The following GFOD1 variants were observed in gnomAD, a reference collection of about 807,000 sequenced individuals.
GFOD1 encodes the protein glucose-fructose oxidoreductase domain-containing protein 1.
GFOD1 carries 9 observed loss-of-function variants against 25.4 expected under a neutral mutation model. The observed-to-expected ratio is 0.35, with a 90% CI of 0.21 to 0.62. The LOEUF (loss-of-function observed/expected upper bound fraction) is 0.62. Ranked by LOEUF, GFOD1 falls within the 20% of genes least tolerant of loss-of-function variation. The pLI is 0.72. For synonymous variants in GFOD1, 253 were observed against 245.6 expected, an observed-to-expected ratio of 1.03 and a Z score of -0.28; for missense variants, 403 against 556.9, an observed-to-expected ratio of 0.72 and a Z score of 2.78.
At chr6:13,384,597 T>G (rs1785429103) in intron 1 of GFOD1, among the ~76,000 whole-genome samples, 5 of 152,232 alleles carry the variant, frequency 3.3e-5, no homozygotes, top group Admixed American at 3.3e-4. Context: ...TACTCGTTGA[T>G]GATTTACAAC....
chr6:13,447,878 A>G (rs999493183), intron 1 of GFOD1, among the ~76,000 whole-genome samples: 1 of 152,030 alleles, frequency 6.6e-6, no homozygotes, highest in Non-Finnish European at 1.5e-5. Context: ...GGTGAGGATG[A>G]AAGAGGCACA....
In GFOD1 at chr6:13,360,809, G is replaced by A. The variant is rs1409837340; in HGVS notation, c.*3934C>T. On this transcript the variant is annotated 3_prime_UTR_variant, in exon 2 of 2. Transcript: ENST00000379287. The stretch of plus-strand genomic sequence containing the variant: ...GTCACAGTCCTTCCTGGGTGTGAGA[G>A]CAGACCCCGTAGACATTGATAAGGA... 2 of 456,600 alleles carry A rather than the reference G, an allele frequency of 4.4e-6. No individual in the cohort carries two copies. Among genetic ancestry groups the A allele is most frequent in the African/African-American group, 2.0e-5 (1 of 50,072 alleles). 28.3% of individuals were successfully genotyped at this position (456,600 alleles called of 1,614,324 possible).
chr6:13,391,390 C>T (rs1450408217), intron 1 of GFOD1, among the ~76,000 whole-genome samples: 4 of 151,396 alleles, frequency 2.6e-5, no homozygotes, highest in South Asian at 4.2e-4. Flanking sequence ...CCCAGCTACT[C>T]GGGAGGCTGA....
At chr6:13,431,888 T>C (rs1479714906) in intron 1 of GFOD1, among the ~76,000 whole-genome samples, 1 of 152,248 alleles carries the variant, frequency 6.6e-6, no homozygotes, top group Non-Finnish European at 1.5e-5. Context: ...AATATTTGAT[T>C]GTTCAGAGCC....
At chr6:13,420,844 T>C (rs1242040478) in intron 1 of GFOD1, among the ~76,000 whole-genome samples, 7 of 152,226 alleles carry the variant, frequency 4.6e-5, no homozygotes, top group Non-Finnish European at 1.0e-4. Flanking sequence ...GGTTGTGATG[T>C]GTTTCAAGTG....
Position 13,365,509 on chromosome 6 carries a change from T to C in GFOD1, c.407A>G (p.Glu136Gly). ...CAGCGGCTCGCCCACGTAGCCCTCC[T>C]CGATCAGCTGCTTCATGCGCACGAA... Reference protein sequence around the residue: ...PAFVRMKQLIEEGYVGEPLVC... With the variant: ...PAFVRMKQLIGEGYVGEPLVC... Residue 136 changes from glutamate to glycine, a missense_variant, in exon 2 of 2, where the codon GAG becomes GGG. Physicochemically the swap from Glu to Gly is moderately conservative, Grantham distance 98. Coordinates refer to ENST00000379287, the MANE Select transcript of GFOD1 (RefSeq NM_018988.4). The surrounding 1 kb of genome is among the most constrained non-coding windows in gnomAD (Gnocchi z 9.2). 6.2e-7 allele frequency: 1 copy of C among 1,613,052 alleles called. No individual in the cohort carries two copies.
intron 1 of GFOD1, among the ~76,000 whole-genome samples, chr6:13,419,759 C>G (rs573544365): frequency 1.3e-5 from 2 of 152,208 alleles, no homozygotes; most frequent in South Asian, 4.1e-4. Flanking sequence ...ACTCCCACCC[C>G]CTTCGCACTC....
At chr6:13,374,276 TGTG>T in intron 1 of GFOD1, among the ~76,000 whole-genome samples, 1 of 139,242 alleles carries the variant, frequency 7.2e-6, no homozygotes, top group African/African-American at 2.8e-5. Flanking sequence ...TTTTTTTTTG[TGTG>T]TGTGTGTGTG....
intron 1 of GFOD1, among the ~76,000 whole-genome samples, chr6:13,462,422 G>A (rs191224468): frequency 1.9e-3 from 294 of 152,282 alleles, no homozygotes; most frequent in African/African-American, 6.6e-3. Flanking sequence ...TTGTCAGAAC[G>A]TCTCAGATCA....
chr6:13,471,047 G>C (rs781287887), intron 1 of GFOD1, among the ~76,000 whole-genome samples: 2 of 152,104 alleles, frequency 1.3e-5, no homozygotes, highest in South Asian at 4.1e-4. Context: ...CTCTCCCCTC[G>C]GCTGAAGGAA....
At chr6:13,447,858 G>A (rs989968100) in intron 1 of GFOD1, among the ~76,000 whole-genome samples, 1 of 150,784 alleles carries the variant, frequency 6.6e-6, no homozygotes, top group African/African-American at 2.4e-5. Flanking sequence ...TCAAACATTT[G>A]AGGGTAGGAG....
chr6:13,421,059 T>C (rs1786248118), intron 1 of GFOD1, among the ~76,000 whole-genome samples: 1 of 152,144 alleles, frequency 6.6e-6, no homozygotes, highest in African/African-American at 2.4e-5. Flanking sequence ...TGGCACACAG[T>C]GAGTATTCAA....
intron 1 of GFOD1, chr6:13,469,825 C>G (rs1417505222): frequency 8.9e-7 from 1 of 1,120,314 alleles, no homozygotes. Context: ...TGCTAAATGT[C>G]CACATTGGAG....
intron 1 of GFOD1, among the ~76,000 whole-genome samples, chr6:13,467,453 C>T (rs1213023699): frequency 1.3e-5 from 2 of 152,132 alleles, no homozygotes; most frequent in African/African-American, 4.8e-5. Context: ...ACACACACAG[C>T]CCATAAAGAG....
intron 1 of GFOD1, among the ~76,000 whole-genome samples, chr6:13,462,656 G>A (rs1277713637): frequency 6.6e-6 from 1 of 152,068 alleles, no homozygotes; most frequent in Non-Finnish European, 1.5e-5. Flanking sequence ...TCATTTCCTG[G>A]GCCCCTTAAT....
intron 1 of GFOD1, among the ~76,000 whole-genome samples, chr6:13,380,959 T>A (rs542121174): frequency 6.6e-6 from 1 of 152,302 alleles, no homozygotes; most frequent in East Asian, 1.9e-4. Context: ...GCCAGCAGAT[T>A]TCTTCCCTCC....
At chr6:13,388,554 A>G (rs1785521507) in intron 1 of GFOD1, among the ~76,000 whole-genome samples, 1 of 152,266 alleles carries the variant, frequency 6.6e-6, no homozygotes, top group Admixed American at 6.5e-5. Context: ...AAAACTGGCT[A>G]GCCATATGTA....
At chr6:13,447,417 C>T (rs1409480319) in intron 1 of GFOD1, among the ~76,000 whole-genome samples, 1 of 152,024 alleles carries the variant, frequency 6.6e-6, no homozygotes, top group Non-Finnish European at 1.5e-5. Context: ...ACTCATTTTA[C>T]CTTTAAGATA....
At chr6:13,469,446 T>TCCAG in intron 1 of GFOD1, 1 of 987,956 alleles carries the variant, frequency 1.0e-6, no homozygotes, top group Non-Finnish European at 1.2e-6. Flanking sequence ...TGATGCAAGT[T>TCCAG]CCAGTTCAGT....
Sources: allele counts gnomAD v4.1 joint callset (sites outside exome capture counted in the v4.1 genomes callset), GRCh38; gene constraint gnomAD v4.1.1; non-coding constraint Gnocchi (gnomAD v3.1); transcripts MANE v1.5; gene names NCBI Gene and HGNC (gene_info 2026-07-23, HGNC 2026-07-21).